The following EDARADD variants were observed in gnomAD, a reference collection of about 807,000 sequenced individuals.
The protein encoded by EDARADD is EDAR associated via death domain.
Under a neutral mutation model 25.6 loss-of-function variants are expected in EDARADD, and 20 were observed. The ratio of observed to expected loss-of-function variants is 0.78; its 90% CI spans 0.55 to 1.14. EDARADD has a LOEUF of 1.14. Ranked by LOEUF, EDARADD falls within the 50% of genes most tolerant of loss-of-function variation. EDARADD has a pLI of 0.00. For synonymous variants in EDARADD, 86 were observed against 94.4 expected (o/e 0.91, Z 0.52); for missense variants, 225 against 270.1 (o/e 0.83, Z 1.17).
intron 5 of EDARADD, among the ~76,000 whole-genome samples, chr1:236,480,566 C>T (rs973276695): frequency 9.9e-5 from 15 of 152,148 alleles, no homozygotes; most frequent in African/African-American, 3.4e-4. Flanking sequence ...AAATTCTTTA[C>T]CTTCCGAAAC....
At chr1:236,433,415 G>A (rs914797770) in intron 4 of EDARADD, among the ~76,000 whole-genome samples, 6 of 151,498 alleles carry the variant, frequency 4.0e-5, no homozygotes, top group Non-Finnish European at 5.9e-5. Context: ...AAATACAAGC[G>A]ATTCTCCCGC....
At chr1:236,366,957 G>A (rs1464144903) in intron 3 of EDARADD, among the ~76,000 whole-genome samples, 2 of 151,664 alleles carry the variant, frequency 1.3e-5, no homozygotes, top group Non-Finnish European at 2.9e-5. Context: ...CGCACCAGTA[G>A]TCCCAGCTAC....
chr1:236,355,434 C>T (rs1390053050), intron 3 of EDARADD, among the ~76,000 whole-genome samples: 1 of 151,290 alleles, frequency 6.6e-6, no homozygotes, highest in Non-Finnish European at 1.5e-5. Flanking sequence ...TTTGCTAATG[C>T]ATCCTGTGCA....
At chr1:236,423,078 G>A (rs1451761971) in intron 3 of EDARADD, among the ~76,000 whole-genome samples, 1 of 152,202 alleles carries the variant, frequency 6.6e-6, no homozygotes, top group Non-Finnish European at 1.5e-5. Flanking sequence ...ACTTCAGGAG[G>A]AATGAGAGGA....
rs553894021 is a variant in EDARADD at position 236,369,054 on chromosome 1, A to G, written c.-6+18215A>G. Among the ~76,000 whole-genome samples the G allele has an allele frequency of 2.0e-5, 3 of 152,246 alleles. No homozygotes were observed. The East Asian group carries it at 5.8e-4, about 29-fold the overall frequency. On this transcript the variant is annotated intron_variant, in intron 3 of 7. Coordinates refer to the EDARADD transcript ENST00000439430. ...AGTGATCTGCCTGCCTCAGCCTCCC[A>G]AAGTGCTGGGATTACAGGTGTGAGC...
At chr1:236,473,458 G>A (rs1659408279) in intron 5 of EDARADD, among the ~76,000 whole-genome samples, 1 of 152,106 alleles carries the variant, frequency 6.6e-6, no homozygotes, top group Non-Finnish European at 1.5e-5. Flanking sequence ...GAGATAGCCT[G>A]GGGACTCTTT....
intron 4 of EDARADD, among the ~76,000 whole-genome samples, chr1:236,445,384 C>T (rs771334789): frequency 2.0e-4 from 31 of 152,010 alleles, no homozygotes; most frequent in Admixed American, 5.9e-4. Context: ...TGTGCCACCA[C>T]GCCCGGCTGA....
At chr1:236,357,094 AT>A (rs368006794) in intron 3 of EDARADD, among the ~76,000 whole-genome samples, 42 of 151,796 alleles carry the variant, frequency 2.8e-4, no homozygotes, top group African/African-American at 9.2e-4. Flanking sequence ...CAAATAAAAA[AT>A]AAAAAAAAAA....
At chr1:236,365,005 G>T (rs1246416670) in intron 3 of EDARADD, among the ~76,000 whole-genome samples, 2 of 152,130 alleles carry the variant, frequency 1.3e-5, no homozygotes, top group Non-Finnish European at 2.9e-5. Context: ...TGAGTATAAT[G>T]TTAGATGTAG....
intron 4 of EDARADD, among the ~76,000 whole-genome samples, chr1:236,430,806 C>T (rs1164358860): frequency 6.6e-6 from 1 of 152,210 alleles, no homozygotes; most frequent in African/African-American, 2.4e-5. Context: ...ACACTCCATT[C>T]TATAGTTCAG....
intron 3 of EDARADD, among the ~76,000 whole-genome samples, chr1:236,363,071 GT>G (rs1413619531): frequency 1.5e-5 from 2 of 130,800 alleles, no homozygotes; most frequent in Non-Finnish European, 3.1e-5. Flanking sequence ...ATGTTGCCAT[GT>G]TGTCTAGACT....
At chr1:236,431,256 G>A (rs578027319) in intron 4 of EDARADD, among the ~76,000 whole-genome samples, 2 of 152,024 alleles carry the variant, frequency 1.3e-5, no homozygotes, top group South Asian at 2.1e-4. Context: ...TTCCTTTTTC[G>A]AGTGATGCCG....
At chr1:236,392,302 C>T (rs914132819), upstream of EDARADD, among the ~76,000 whole-genome samples, 1 of 152,084 alleles carries the variant, frequency 6.6e-6, no homozygotes, top group African/African-American at 2.4e-5. Context: ...TTATTTGCAC[C>T]TACTATATGA....
intron 5 of EDARADD, among the ~76,000 whole-genome samples, chr1:236,478,412 GATAT>G (rs541779513): frequency 1.4e-5 from 2 of 139,724 alleles, no homozygotes; most frequent in East Asian, 2.1e-4. Context: ...TATATAAATG[GATAT>G]ATATATATAT....
chr1:236,410,204 G>A (rs1657429680), intron 2 of EDARADD, among the ~76,000 whole-genome samples: 1 of 151,936 alleles, frequency 6.6e-6, no homozygotes, highest in Non-Finnish European at 1.5e-5. Context: ...CATAGTGAAC[G>A]CTGTACCTAA....
chr1:236,466,548 G>C (rs1659195918), intron 4 of EDARADD, among the ~76,000 whole-genome samples: 1 of 152,078 alleles, frequency 6.6e-6, no homozygotes, highest in South Asian at 2.1e-4. Context: ...ATTATGGTAA[G>C]CAGGTTGGTT....
rs561440789 is a variant in EDARADD at position 236,379,092 on chromosome 1, G to A, written c.-6+28253G>A. ...CCCGTTTAAACAACTAAAGTCAGTC[G>A]GGCGCGGTGGCTCACACCTGTAATC... On this transcript the variant is annotated intron_variant, in intron 3 of 7. Coordinates refer to the EDARADD transcript ENST00000439430. 1.1e-4 allele frequency among the ~76,000 whole-genome samples: 16 copies of A among 152,234 alleles called. No homozygotes were observed. The South Asian group carries it at 1.9e-3, about 18-fold the overall frequency.
intron 4 of EDARADD, among the ~76,000 whole-genome samples, chr1:236,461,034 A>G (rs1196931274): frequency 1.3e-5 from 2 of 151,916 alleles, no homozygotes; most frequent in African/African-American, 4.8e-5. Flanking sequence ...GTTGGCCAGG[A>G]TGGTCTTGAA....
chr1:236,452,464 C>T (rs763735672), intron 4 of EDARADD, among the ~76,000 whole-genome samples: 6 of 151,748 alleles, frequency 4.0e-5, no homozygotes, highest in African/African-American at 1.2e-4. Context: ...TGAGTTTGCA[C>T]GAGATCTGAT....
Sources: gnomAD v4.1 joint callset for allele counts (sites outside exome capture counted in the v4.1 genomes callset) on GRCh38, gnomAD v4.1.1 for gene constraint, MANE v1.5 for transcripts, NCBI Gene and HGNC (gene_info 2026-07-23, HGNC 2026-07-21) for gene names.